The following EVC variants were observed in gnomAD, a reference collection of about 807,000 sequenced individuals.
EVC encodes the protein EvC ciliary complex subunit 1, also known as evC complex member EVC.
In EVC, 116 loss-of-function variants were observed where a neutral mutation model predicts 118.9. The ratio of observed to expected loss-of-function variants is 0.98; its 90% CI spans 0.84 to 1.14. EVC has a LOEUF of 1.14. Among genes scored for constraint, EVC ranks in the 50% most tolerant of loss-of-function variants. The pLI, the probability that EVC is intolerant of heterozygous loss-of-function variation, is 0.00. For synonymous variants in EVC, 619 were observed against 534.7 expected (o/e 1.16, Z -2.18); for missense variants, 1,401 against 1,246.4 (o/e 1.12, Z -1.87).
At chr4:5,796,046 G>C (rs1020842362) in intron 13 of EVC, among the ~76,000 whole-genome samples, 2 of 151,746 alleles carry the variant, frequency 1.3e-5, no homozygotes, top group Non-Finnish European at 2.9e-5. Flanking sequence ...TTCCTTTGAG[G>C]TATCTTCCAG....
the EVC span, among the ~76,000 whole-genome samples, chr4:5,822,493 AGGG>A: frequency 0.14 from 18,763 of 134,172 alleles, 1,660 homozygotes; most frequent in African/African-American, 0.26. Flanking sequence ...GTGGATCTGA[AGGG>A]GGGGGGGGTG....
Position 5,742,540 on chromosome 4 carries a change from G to A in EVC, c.801+726G>A, listed in dbSNP as rs1009968875. Among the ~76,000 whole-genome samples, 50 of 151,904 alleles carry A rather than the reference G, an allele frequency of 3.3e-4. No individual in the cohort carries two copies. Among genetic ancestry groups the A allele is most frequent in the African/African-American group, 1.1e-3 (45 of 41,346 alleles). ...CATCACCATAAACACCATCATCTTT[G>A]CTATTGTCACCACTGACATCATCAT... On this transcript the variant is annotated intron_variant, in intron 6 of 20. Transcript: ENST00000264956. This position sits in a 1 kb window ranked among gnomAD's most constrained non-coding sequence, Gnocchi z 5.2.
intron 7 of EVC, among the ~76,000 whole-genome samples, chr4:5,747,872 G>T (rs1455089630): frequency 1.3e-5 from 2 of 152,168 alleles, no homozygotes; most frequent in Non-Finnish European, 2.9e-5. Context: ...GAGTCTGTAG[G>T]CTGGACAAGC....
chr4:5,773,002 G>C (rs1386396745), intron 11 of EVC, among the ~76,000 whole-genome samples: 1 of 152,122 alleles, frequency 6.6e-6, no homozygotes. Flanking sequence ...GCCACAGCCT[G>C]GGGGGAGCAT....
At chr4:5,757,936 A>G in intron 11 of EVC, 1 of 604,714 alleles carries the variant, frequency 1.7e-6, no homozygotes, top group Non-Finnish European at 2.9e-6. Context: ...AGTGTCCTTC[A>G]AAACGTCATG....
At chr4:5,803,463 A>G (rs1442647299) in intron 16 of EVC, among the ~76,000 whole-genome samples, 1 of 152,204 alleles carries the variant, frequency 6.6e-6, no homozygotes, top group Non-Finnish European at 1.5e-5. Flanking sequence ...TTGCTACTGC[A>G]GAACATTCCA....
At chr4:5,796,394 AT>A (rs1352639837) in intron 13 of EVC, among the ~76,000 whole-genome samples, 42 of 152,296 alleles carry the variant, frequency 2.8e-4, no homozygotes, top group African/African-American at 9.9e-4. Flanking sequence ...TTCAAATGAT[AT>A]GATCTTCTTC....
At chr4:5,732,475 T>G (rs1173268719) in intron 4 of EVC, among the ~76,000 whole-genome samples, 1 of 152,244 alleles carries the variant, frequency 6.6e-6, no homozygotes, top group Non-Finnish European at 1.5e-5. Context: ...TTTCAGCATT[T>G]GGGACTTAGA....
At chr4:5,732,702 C>T (rs146469150) in intron 4 of EVC, among the ~76,000 whole-genome samples, 39 of 151,958 alleles carry the variant, frequency 2.6e-4, no homozygotes, top group African/African-American at 9.4e-4. Flanking sequence ...AAAGGTGACA[C>T]GTGATGATAG....
Position 5,798,678 on chromosome 4 carries a change from G to A in EVC, c.2190G>A (p.Gln730=). 6.2e-7 allele frequency: 1 copy of A among 1,603,072 alleles called. No homozygotes were observed. The highest frequency in any genetic ancestry group is 2.0e-4 in the Middle Eastern group (1 of 4,946). ...AGCAGCGGCTCCTGGCCGAGGCCCA[G>A]GAGGTGGGGCAGCTTCTGCAGCAGC... The part of the protein sequence containing the change: ...QLQQRLLAEA[Q]EVGQLLQQHM... Residue 730 remains glutamine, a synonymous_variant, in exon 15 of 21, where the codon CAG becomes CAA. Coordinates refer to ENST00000264956, the MANE Select transcript of EVC (RefSeq NM_153717.3). This position sits in a 1 kb window ranked among gnomAD's most constrained non-coding sequence, Gnocchi z 4.1.
At chr4:5,825,898 C>T in the EVC span, 2 of 523,890 alleles carry the variant, frequency 3.8e-6, no homozygotes, top group South Asian at 5.1e-5. The surrounding 1 kb of genome is among the most constrained non-coding windows in gnomAD (Gnocchi z 4.4). Context: ...CATACACATA[C>T]AGACGCACAC....
chr4:5,717,893 T>G (rs1724242492), intron 1 of EVC, among the ~76,000 whole-genome samples: 1 of 152,250 alleles, frequency 6.6e-6, no homozygotes, highest in Non-Finnish European at 1.5e-5. Flanking sequence ...TGCCTCTTTC[T>G]TCTCTCACTG....
At chr4:5,724,135 C>T (rs773893197) in intron 2 of EVC, among the ~76,000 whole-genome samples, 4 of 152,340 alleles carry the variant, frequency 2.6e-5, no homozygotes, top group Non-Finnish European at 5.9e-5. Context: ...CCTCCCCAAG[C>T]TGACAGATGT....
intron 12 of EVC, among the ~76,000 whole-genome samples, chr4:5,791,677 A>T (rs1320703358): frequency 6.6e-6 from 1 of 152,190 alleles, no homozygotes; most frequent in Non-Finnish European, 1.5e-5. Context: ...CTTGTTACTC[A>T]CAGCTGGGCC....
rs1409202718 is a variant in EVC, at chr4:5,745,263, G to T, written c.861G>T (p.Gly287=). ...AACTGTCAAACACAGAAATGTCGGGGGCTGGTGACTCTGAGTACATCACCC... is the reference window on the plus strand; with the variant it reads ...AACTGTCAAACACAGAAATGTCGGGTGCTGGTGACTCTGAGTACATCACCC... ...QVKLSNTEMS[G]AGDSEYITLA... The change falls in exon 7 of 21, where the codon GGG becomes GGT. Residue 287 remains glycine, a synonymous_variant. Transcript: ENST00000264956. 1.2e-6 allele frequency: 2 copies of T among 1,613,796 alleles called. No individual in the cohort carries two copies. Among genetic ancestry groups the T allele is most frequent in the African/African-American group, 2.7e-5 (2 of 74,842 alleles).
chr4:5,716,384 A>G lies in EVC; in HGVS notation c.175-2864A>G, dbSNP rs76067569. Among the ~76,000 whole-genome samples, 13 of 152,332 alleles carry G rather than the reference A, an allele frequency of 8.5e-5. No homozygotes were observed. In the East Asian group the frequency reaches 2.5e-3, roughly 29 times the overall value. ...AGATTCAAAGATTTTCTGATTTGCAATTTTGTGAAGGAAGAGAAGCTTTGT... is the reference window on the plus strand; with the variant it reads ...AGATTCAAAGATTTTCTGATTTGCAGTTTTGTGAAGGAAGAGAAGCTTTGT... On this transcript the variant is annotated intron_variant, in intron 1 of 20. Transcript: ENST00000264956.
At chr4:5,782,286 G>T (rs1735710499) in intron 11 of EVC, among the ~76,000 whole-genome samples, 1 of 151,532 alleles carries the variant, frequency 6.6e-6, no homozygotes, top group Non-Finnish European at 1.5e-5. Context: ...TGTTGGCCAG[G>T]CTGGTCTCCA....
At chr4:5,815,192 G>A (rs1213346070), downstream of EVC, among the ~76,000 whole-genome samples, 1 of 152,094 alleles carries the variant, frequency 6.6e-6, no homozygotes, top group Non-Finnish European at 1.5e-5. Flanking sequence ...GTGAACCCGT[G>A]GCTAAGCCCA....
intron 13 of EVC, among the ~76,000 whole-genome samples, chr4:5,796,175 A>G (rs1381696617): frequency 6.6e-6 from 1 of 151,734 alleles, no homozygotes; most frequent in Non-Finnish European, 1.5e-5. Flanking sequence ...GTTTCCAGTT[A>G]TCTGCTGAAA....
Sources: allele counts gnomAD v4.1 joint callset (sites outside exome capture counted in the v4.1 genomes callset), GRCh38; gene constraint gnomAD v4.1.1; non-coding constraint Gnocchi (gnomAD v3.1); transcripts MANE v1.5; gene names NCBI Gene and HGNC (gene_info 2026-07-23, HGNC 2026-07-21).